The following DCHS2 variants were observed in gnomAD, a reference collection of about 807,000 sequenced individuals.
DCHS2 encodes protocadherin-23.
DCHS2 carries 142 observed loss-of-function variants against 182.4 expected under a neutral mutation model. The ratio of observed to expected loss-of-function variants is 0.78; its 90% CI spans 0.68 to 0.89. The LOEUF (loss-of-function observed/expected upper bound fraction) is 0.89. DCHS2 is among the 40% of genes least tolerant of loss of function. The probability of loss-of-function intolerance (pLI) is 0.00; values close to 1 mark genes in which losing one functional copy is unlikely to be tolerated. For missense variants in DCHS2, 4,319 were observed against 4,198.6 expected, an observed-to-expected ratio of 1.03 and a Z score of -0.79; for synonymous variants, 1,740 against 1,663.3, an observed-to-expected ratio of 1.05 and a Z score of -1.12.
intron 13 of DCHS2, among the ~76,000 whole-genome samples, chr4:154,280,134 G>A (rs567254668): frequency 6.6e-6 from 1 of 151,974 alleles, no homozygotes; most frequent in Admixed American, 6.6e-5. Flanking sequence ...TAGATGAAAT[G>A]GATACATTTC....
intron 1 of DCHS2, among the ~76,000 whole-genome samples, chr4:154,484,057 C>A (rs1329340849): frequency 1.3e-5 from 2 of 152,196 alleles, no homozygotes; most frequent in African/African-American, 4.8e-5. Flanking sequence ...ATCTTTCCCC[C>A]AAAACTCTCA....
At position 154,468,754 on chromosome 4, in the gene DCHS2, C is replaced by T. The variant is rs112670090; in HGVS notation, c.2052+20550G>A. Among the ~76,000 whole-genome samples, 839 of 152,202 alleles carry T rather than the reference C, an allele frequency of 5.5e-3. 4 individuals carry two copies. The highest frequency in any genetic ancestry group is 0.019 in the African/African-American group (769 of 41,540). ...CTCTGAATACCAACTTGGCTCTATT[C>T]GTTAGGACTCCTAGGCACAGTAGTA... is the stretch of plus-strand genomic sequence containing the variant. On this transcript the variant is annotated intron_variant, in intron 1 of 19. Coordinates refer to ENST00000357232, the MANE Select transcript of DCHS2 (RefSeq NM_001358235.2).
intron 16 of DCHS2, among the ~76,000 whole-genome samples, chr4:154,246,826 A>G (rs543127195): frequency 1.3e-5 from 2 of 152,200 alleles, no homozygotes; most frequent in African/African-American, 4.8e-5. Flanking sequence ...TTCCCAAAAT[A>G]AAACAACAAA....
intron 12 of DCHS2, 141 bp downstream of exon 12, chr4:154,304,528 G>A (rs1735357294): frequency 1.6e-6 from 1 of 640,726 alleles, no homozygotes; most frequent in Non-Finnish European, 2.6e-6. Context: ...ACCAATTTGG[G>A]AGGCTGAGGC....
Position 154,305,169 on chromosome 4 carries a change from T to A in DCHS2, c.5323A>T (p.Asn1775Tyr). 6.2e-7 allele frequency: 1 copy of A among 1,612,904 alleles called. No homozygotes were observed. The highest frequency in any genetic ancestry group is 8.5e-7 in the Non-Finnish European group (1 of 1,179,456). The change falls in exon 11 of 20, where the codon AAT (asparagine) becomes TAT (tyrosine). Residue 1775 changes from asparagine (N) to tyrosine (Y), a missense_variant. Transcript: ENST00000357232. ...PGASFELFEI[N>Y]SDTGEVVTTT... ...GTCACTACCTCTCCAGTGTCAGAAT[T>A]TATCTCGAATAATTCAAATGAAGCA...
At chr4:154,238,628 T>C (rs1731650086) in intron 19 of DCHS2, among the ~76,000 whole-genome samples, 1 of 152,202 alleles carries the variant, frequency 6.6e-6, no homozygotes, top group South Asian at 2.1e-4. Flanking sequence ...ACAAAAAGCC[T>C]TGGGAAGCAT....
chr4:154,264,180 G>C (rs191351469), intron 14 of DCHS2, among the ~76,000 whole-genome samples: 24 of 152,220 alleles, frequency 1.6e-4, no homozygotes, highest in Admixed American at 3.9e-4. Context: ...TCAGAGAATC[G>C]TCAAAGAGCT....
intron 3 of DCHS2, among the ~76,000 whole-genome samples, chr4:154,346,925 C>T (rs1017560838): frequency 1.3e-5 from 2 of 151,508 alleles, no homozygotes; most frequent in Admixed American, 6.6e-5. Context: ...TGATAATGTC[C>T]GACTTCAGAT....
At chr4:154,267,646 T>C (rs1196674525) in intron 14 of DCHS2, among the ~76,000 whole-genome samples, 1 of 152,218 alleles carries the variant, frequency 6.6e-6, no homozygotes, top group Non-Finnish European at 1.5e-5. Context: ...TCCCTCCATG[T>C]TTTATGCCCT....
intron 3 of DCHS2, among the ~76,000 whole-genome samples, chr4:154,363,436 T>C (rs1189846812): frequency 6.6e-6 from 1 of 152,118 alleles, no homozygotes; most frequent in Non-Finnish European, 1.5e-5. Flanking sequence ...TCAAGAACAT[T>C]ATGCTAAATA....
At chr4:154,483,950 G>A (rs575650928) in intron 1 of DCHS2, among the ~76,000 whole-genome samples, 9 of 152,092 alleles carry the variant, frequency 5.9e-5, no homozygotes, top group Non-Finnish European at 1.3e-4. Context: ...ATTCTCTCCT[G>A]TTAGTAGTTC....
intron 1 of DCHS2, among the ~76,000 whole-genome samples, chr4:154,383,423 A>G (rs996688702): frequency 4.6e-5 from 7 of 152,226 alleles, no homozygotes; most frequent in African/African-American, 1.7e-4. Context: ...ATCACACAAT[A>G]CACTCACATG....
chr4:154,433,465 G>T (rs914871308), intron 1 of DCHS2, among the ~76,000 whole-genome samples: 2 of 128,666 alleles, frequency 1.6e-5, no homozygotes, highest in African/African-American at 2.9e-5. Flanking sequence ...CGTGATCTCC[G>T]CTCACTGCAA....
rs1561039731 is a variant in DCHS2, at chr4:154,321,065, G to T, written c.4334C>A (p.Ala1445Glu). Reference protein sequence around the residue: ...YNGKLHFSIVADDKDGHFEID... With the variant: ...YNGKLHFSIVEDDKDGHFEID... ...TTCAAAGTGTCCATCCTTATCATCT[G>T]CAACAATACTAAAATGTAACTTTCC... is the stretch of plus-strand genomic sequence containing the variant. Residue 1445 changes from alanine (A) to glutamate (E), a missense_variant, in exon 9 of 20, where the codon GCA (alanine) becomes GAA (glutamate). Ala to Glu is a moderately radical substitution (Grantham distance 107, BLOSUM62 -1). Coordinates refer to ENST00000357232, the MANE Select transcript of DCHS2 (RefSeq NM_001358235.2). 1 of 1,610,542 alleles carries T rather than the reference G, an allele frequency of 6.2e-7. No individual in the cohort carries two copies. The highest frequency in any genetic ancestry group is 8.5e-7 in the Non-Finnish European group (1 of 1,177,060).
chr4:154,283,456 CAAA>C (rs70947155), intron 13 of DCHS2, among the ~76,000 whole-genome samples: 2,621 of 126,734 alleles, frequency 0.021, 77 homozygotes, highest in African/African-American at 0.074. Flanking sequence ...TAAGTTTAAG[CAAA>C]AAAAAAAAAA....
In DCHS2 at chr4:154,298,109, G is replaced by A. The variant is rs771471313; in HGVS notation, c.6205C>T (p.Pro2069Ser). The A allele has an allele frequency of 6.2e-7, 1 of 1,614,074 alleles. No homozygotes were observed. Among genetic ancestry groups the A allele is most frequent in the Admixed American group, 1.7e-5 (1 of 60,002 alleles). Residue 2069 changes from proline to serine, a missense_variant, in exon 13 of 20, where the codon CCC becomes TCC. Coordinates refer to ENST00000357232, the MANE Select transcript of DCHS2 (RefSeq NM_001358235.2). ...AAACTAAAAACCACAGTTCCATTGG[G>A]CCCCAAGTCCAGGTCATCAGCTCTC... Reference protein sequence around the residue: ...IVRADDLDLGPNGTVVFSFAE... With the variant: ...IVRADDLDLGSNGTVVFSFAE...
chr4:154,364,395 G>A (rs922803474), intron 3 of DCHS2, among the ~76,000 whole-genome samples: 1 of 152,192 alleles, frequency 6.6e-6, no homozygotes, highest in African/African-American at 2.4e-5. Flanking sequence ...ATTACTGGCT[G>A]ACCTATATAT....
At chr4:154,288,406 C>G (rs1283458582) in intron 13 of DCHS2, among the ~76,000 whole-genome samples, 1 of 151,848 alleles carries the variant, frequency 6.6e-6, no homozygotes, top group African/African-American at 2.4e-5. Flanking sequence ...ACTGGAGGAC[C>G]CAGATATATA....
intron 1 of DCHS2, among the ~76,000 whole-genome samples, chr4:154,437,999 C>G (rs193043502): frequency 6.6e-6 from 1 of 152,084 alleles, no homozygotes. Flanking sequence ...TAGTGAGAAC[C>G]TGTCTCCTAA....
Sources: allele counts gnomAD v4.1 joint callset (sites outside exome capture counted in the v4.1 genomes callset), GRCh38; gene constraint gnomAD v4.1.1; transcripts MANE v1.5; gene names NCBI Gene and HGNC (gene_info 2026-07-23, HGNC 2026-07-21).